Variants in ADAD1 observed in about 807,000 individuals in gnomAD.
ADAD1 encodes adenosine deaminase domain-containing protein 1.
In ADAD1, 46 loss-of-function variants were observed where a neutral mutation model predicts 66.8. That is an observed-to-expected ratio of 0.69 (90% CI 0.54 to 0.88). The LOEUF (loss-of-function observed/expected upper bound fraction) is 0.88. Among genes scored for constraint, ADAD1 ranks in the 40% least tolerant of loss-of-function variants. The pLI is 0.00. For missense variants in ADAD1, 617 were observed against 681.8 expected, an observed-to-expected ratio of 0.91 and a Z score of 1.06; for synonymous variants, 248 against 229.4, an observed-to-expected ratio of 1.08 and a Z score of -0.73.
chr4:122,413,896 G>A (rs1478033505), intron 10 of ADAD1, among the ~76,000 whole-genome samples: 1 of 135,612 alleles, frequency 7.4e-6, no homozygotes, highest in African/African-American at 2.7e-5. Context: ...GTCAGGTCAG[G>A]TCTTCTATAG....
chr4:122,385,387 C>A (rs908661176), intron 5 of ADAD1, among the ~76,000 whole-genome samples: 2 of 152,096 alleles, frequency 1.3e-5, no homozygotes, highest in African/African-American at 4.8e-5. Context: ...ATTCTCATTC[C>A]TCAGCCTCCC....
intron 3 of ADAD1, among the ~76,000 whole-genome samples, 161 bp from the exon 4 acceptor site, chr4:122,380,831 G>GT (rs1308202885): frequency 6.6e-6 from 1 of 152,122 alleles, no homozygotes; most frequent in Non-Finnish European, 1.5e-5. Context: ...ATAACATGTG[G>GT]TGCTTGTCAT....
intron 7 of ADAD1, among the ~76,000 whole-genome samples, chr4:122,403,463 A>T (rs62321744): frequency 0.049 from 7,483 of 152,220 alleles, 259 homozygotes; most frequent in Non-Finnish European, 0.074. Flanking sequence ...GTTTTCTCAA[A>T]TGCTGGTTAC....
chr4:122,391,817 C>G (rs1317480860), intron 5 of ADAD1, among the ~76,000 whole-genome samples: 1 of 152,208 alleles, frequency 6.6e-6, no homozygotes, highest in Non-Finnish European at 1.5e-5. Context: ...TCAAGTGATT[C>G]TTGTGTCTCA....
chr4:122,393,776 T>G (rs1795567420), intron 6 of ADAD1, 119 bp downstream of exon 6: 2 of 670,864 alleles, frequency 3.0e-6, no homozygotes, highest in Non-Finnish European at 2.2e-6. Flanking sequence ...CATCCAAACC[T>G]TTCACACTTC....
At chr4:122,394,564 C>A (rs1292052124) in intron 6 of ADAD1, among the ~76,000 whole-genome samples, 1 of 152,070 alleles carries the variant, frequency 6.6e-6, no homozygotes, top group Non-Finnish European at 1.5e-5. Flanking sequence ...AGGACCAGAC[C>A]AGGGAAAATA....
intron 7 of ADAD1, among the ~76,000 whole-genome samples, chr4:122,405,929 C>A (rs1472837799): frequency 1.3e-5 from 2 of 152,058 alleles, no homozygotes; most frequent in Non-Finnish European, 2.9e-5. Flanking sequence ...TTTGGGGGGG[C>A]TGAAAAATAT....
At chr4:122,384,050 T>G (rs566169638) in intron 5 of ADAD1, 84 bp downstream of exon 5, 1 of 1,242,108 alleles carries the variant, frequency 8.1e-7, no homozygotes, top group African/African-American at 1.5e-5. Flanking sequence ...TAATGAGAGT[T>G]ACTTGGCAGC....
In ADAD1 at chr4:122,380,185, G is replaced by A; in HGVS notation, c.116G>A (p.Trp39Ter). The part of the protein sequence containing the change: ...ATKTITTPTG[W>*]SSESYGLSKM... ...AAGACGATAACTACACCCACAGGAT[G>A]GTCCTCAGAAAGTTACGGCCTGTCC... Residue 39 changes from tryptophan to a stop codon, truncating the protein, a stop_gained, in exon 3 of 13, where the codon TGG (tryptophan) becomes TAG (stop). Coordinates refer to ENST00000296513, the MANE Select transcript of ADAD1 (RefSeq NM_139243.4). LOFTEE classifies it high-confidence loss of function. 6.2e-7 allele frequency: 1 copy of A among 1,614,126 alleles called. No homozygotes were observed. Among genetic ancestry groups the A allele is most frequent in the Non-Finnish European group, 8.5e-7 (1 of 1,180,012 alleles).
In ADAD1 at chr4:122,416,069, C is replaced by T. The variant is rs114092652; in HGVS notation, c.1487+453C>T. On this transcript the variant is annotated intron_variant, in intron 11 of 12. Coordinates refer to ENST00000296513, the MANE Select transcript of ADAD1 (RefSeq NM_139243.4). ...ACTTATGTACCCTTACGTGTAAGAACTATGGTACTGTGTTATACTGTCTTA... is the reference window on the plus strand; with the variant it reads ...ACTTATGTACCCTTACGTGTAAGAATTATGGTACTGTGTTATACTGTCTTA... 5.4e-3 allele frequency among the ~76,000 whole-genome samples: 821 copies of T among 152,220 alleles called. 10 individuals carry two copies. The highest frequency in any genetic ancestry group is 0.019 in the African/African-American group (775 of 41,532).
At chr4:122,416,574 A>T (rs1796743694) in intron 11 of ADAD1, among the ~76,000 whole-genome samples, 1 of 152,158 alleles carries the variant, frequency 6.6e-6, no homozygotes, top group Admixed American at 6.5e-5. Flanking sequence ...TTTATAAAAA[A>T]TAAAAAGTAT....
In ADAD1 at chr4:122,415,405, G is replaced by A. The variant is rs1560601351; in HGVS notation, c.1276G>A (p.Gly426Ser). The A allele has an allele frequency of 1.9e-6, 3 of 1,613,614 alleles. No homozygotes were observed. Among genetic ancestry groups the A allele is most frequent in the East Asian group, 2.2e-5 (1 of 44,850 alleles). The stretch of plus-strand genomic sequence containing the variant: ...TGATGGGAATTGCAGTGATACCAGA[G>A]GCTTAGAAATCGCTATAAAGCAACG... ...IGDGNCSDTR[G>S]LEIAIKQRVD... The change falls in exon 11 of 13, where the codon GGC becomes AGC. Residue 426 changes from glycine (G) to serine (S), a missense_variant. Coordinates refer to ENST00000296513, the MANE Select transcript of ADAD1 (RefSeq NM_139243.4).
chr4:122,384,111 C>G (rs1795044411), intron 5 of ADAD1, 145 bp downstream of exon 5: 1 of 767,392 alleles, frequency 1.3e-6, no homozygotes, highest in South Asian at 2.3e-5. Flanking sequence ...TTGCTGTCCA[C>G]TGATGTATTT....
intron 12 of ADAD1, among the ~76,000 whole-genome samples, chr4:122,427,782 C>G (rs1292577169): frequency 1.3e-5 from 2 of 151,886 alleles, no homozygotes; most frequent in Non-Finnish European, 2.9e-5. Context: ...GTGCTCCACC[C>G]ACCAAAGTGC....
chr4:122,410,355 ATATTT>A (rs1796413289), intron 8 of ADAD1, among the ~76,000 whole-genome samples: 1 of 152,046 alleles, frequency 6.6e-6, no homozygotes, highest in South Asian at 2.1e-4. Context: ...TTTTTACTAT[ATATTT>A]TTGATGATGG....
At chr4:122,387,214 C>T (rs938491443) in intron 5 of ADAD1, among the ~76,000 whole-genome samples, 1 of 151,966 alleles carries the variant, frequency 6.6e-6, no homozygotes, top group African/African-American at 2.4e-5. Context: ...GTTATTTCCC[C>T]GAGCAGTGGT....
chr4:122,421,098 G>A (rs1342455965), intron 11 of ADAD1, among the ~76,000 whole-genome samples, 163 bp from the exon 12 acceptor site: 1 of 151,506 alleles, frequency 6.6e-6, no homozygotes, highest in African/African-American at 2.4e-5. Flanking sequence ...ATTTACTTCA[G>A]AAAGTAAATA....
Position 122,380,068 on chromosome 4 carries a change from A to T in ADAD1, c.-2A>T, listed in dbSNP as rs1364770630. 6.2e-7 allele frequency: 1 copy of T among 1,610,596 alleles called. No homozygotes were observed. Among genetic ancestry groups the T allele is most frequent in the Admixed American group, 1.7e-5 (1 of 59,284 alleles). ...ATTTTATCGTGACCTCTAGGTGAGAAAATGGCTAGCAACAATCATTGGTTT... is the reference window on the plus strand; with the variant it reads ...ATTTTATCGTGACCTCTAGGTGAGATAATGGCTAGCAACAATCATTGGTTT... On this transcript the variant is annotated 5_prime_UTR_variant, in exon 3 of 13. Coordinates refer to ENST00000296513, the MANE Select transcript of ADAD1 (RefSeq NM_139243.4).
chr4:122,390,822 A>G (rs1455271641), intron 5 of ADAD1, among the ~76,000 whole-genome samples: 2 of 152,134 alleles, frequency 1.3e-5, no homozygotes, highest in East Asian at 3.9e-4. Flanking sequence ...TAGCTCAGCG[A>G]AGTTTTTTGT....
Sources: gnomAD v4.1 joint callset for allele counts (sites outside exome capture counted in the v4.1 genomes callset) on GRCh38, gnomAD v4.1.1 for gene constraint, MANE v1.5 for transcripts, NCBI Gene and HGNC (gene_info 2026-07-23, HGNC 2026-07-21) for gene names.